LYPD6B: variants seen among roughly 807,000 people sequenced by gnomAD.
LYPD6B encodes the protein LY6/PLAUR domain containing 6B.
Under a neutral mutation model 22.8 loss-of-function variants are expected in LYPD6B, and 17 were observed. That is an observed-to-expected ratio of 0.75 (90% CI 0.51 to 1.12). The LOEUF is 1.12. Ranked by LOEUF, LYPD6B falls within the 50% of genes most tolerant of loss-of-function variation. The pLI is 0.00. For missense variants in LYPD6B, 221 were observed against 258.3 expected, an observed-to-expected ratio of 0.86 and a Z score of 0.99; for synonymous variants, 106 against 91.6, an observed-to-expected ratio of 1.16 and a Z score of -0.90.
chr2:149,097,739 G>C (rs10497052), intron 1 of LYPD6B, among the ~76,000 whole-genome samples: 2 of 152,094 alleles, frequency 1.3e-5, no homozygotes, highest in Non-Finnish European at 2.9e-5. Flanking sequence ...AGATTTATAC[G>C]AAGTTACAGA....
At chr2:149,084,472 C>T (rs570025891) in intron 1 of LYPD6B, among the ~76,000 whole-genome samples, 47 of 152,208 alleles carry the variant, frequency 3.1e-4, no homozygotes, top group African/African-American at 1.1e-3. Flanking sequence ...CAAACAGTGC[C>T]TTGTTTTCTG....
At chr2:149,069,536 T>C (rs932072432) in intron 1 of LYPD6B, among the ~76,000 whole-genome samples, 2 of 152,180 alleles carry the variant, frequency 1.3e-5, no homozygotes, top group African/African-American at 4.8e-5. Context: ...TTTTGGCTGA[T>C]AGCATCTTAT....
chr2:149,131,834 T>C (rs1353757519), intron 2 of LYPD6B, among the ~76,000 whole-genome samples: 1 of 152,096 alleles, frequency 6.6e-6, no homozygotes, highest in Non-Finnish European at 1.5e-5. Flanking sequence ...CTTTGGGAGC[T>C]AAAACAGAAT....
chr2:149,133,889 G>A (rs889382121), intron 2 of LYPD6B, among the ~76,000 whole-genome samples: 2 of 152,190 alleles, frequency 1.3e-5, no homozygotes, highest in Non-Finnish European at 2.9e-5. Context: ...TTACAGCAGT[G>A]AACAAGCCAT....
chr2:149,101,222 T>A (rs1315566362), intron 1 of LYPD6B: 1 of 152,200 alleles, frequency 6.6e-6, no homozygotes, highest in Non-Finnish European at 1.5e-5. Flanking sequence ...CCAGAGCCAG[T>A]CTCCAATGTA....
chr2:149,184,860 T>C (rs1450259421), intron 3 of LYPD6B, among the ~76,000 whole-genome samples: 1 of 152,236 alleles, frequency 6.6e-6, no homozygotes, highest in African/African-American at 2.4e-5. Flanking sequence ...CTTCTCAGTG[T>C]TCTCATTTAA....
At chr2:149,189,065 A>G (rs928830086) in intron 3 of LYPD6B, among the ~76,000 whole-genome samples, 3 of 151,852 alleles carry the variant, frequency 2.0e-5, no homozygotes, top group Non-Finnish European at 4.4e-5. Flanking sequence ...ATATATGTAC[A>G]AGGGACCATT....
chr2:149,058,860 T>G lies in LYPD6B; in HGVS notation c.-67+20059T>G, dbSNP rs1003882264. 2.0e-5 allele frequency among the ~76,000 whole-genome samples: 3 copies of G among 152,366 alleles called. No individual in the cohort carries two copies. In the South Asian group the frequency reaches 6.2e-4, roughly 32 times the overall value. On this transcript the variant is annotated intron_variant, in intron 1 of 6. Coordinates refer to ENST00000409642, the MANE Select transcript of LYPD6B (RefSeq NM_177964.5). ...GTCTTGAACTCCTAACCTCAGGTGA[T>G]CCACTTGCCCTAGCCTCCCAAAGTG...
chr2:149,047,141 A>G (rs533674172), intron 1 of LYPD6B, among the ~76,000 whole-genome samples: 1 of 152,306 alleles, frequency 6.6e-6, no homozygotes, highest in South Asian at 2.1e-4. Context: ...TTTCATTTAT[A>G]TCATTTCCAT....
At chr2:149,063,528 A>G (rs1049589296) in intron 1 of LYPD6B, among the ~76,000 whole-genome samples, 1 of 152,226 alleles carries the variant, frequency 6.6e-6, no homozygotes, top group Admixed American at 6.5e-5. Context: ...GATTTCTTAA[A>G]AAGCTGCCAT....
chr2:149,195,639 G>A (rs1559070690), intron 3 of LYPD6B, among the ~76,000 whole-genome samples: 1 of 152,138 alleles, frequency 6.6e-6, no homozygotes, highest in Non-Finnish European at 1.5e-5. Context: ...TAGAATTTGA[G>A]AGCTGAAAAT....
chr2:149,212,931 G>A (rs1334016614), intron 5 of LYPD6B, 61 bp from the exon 6 acceptor site: 5 of 1,539,564 alleles, frequency 3.2e-6, no homozygotes, highest in African/African-American at 1.4e-5. Flanking sequence ...GATCTCTTTT[G>A]TAATATGGAT....
chr2:149,179,373 A>T (rs541564996), intron 3 of LYPD6B, among the ~76,000 whole-genome samples: 5 of 152,340 alleles, frequency 3.3e-5, no homozygotes, highest in African/African-American at 1.2e-4. Context: ...GATGACGATG[A>T]TAAAATCTGT....
Position 149,073,911 on chromosome 2 carries a change from C to T in LYPD6B, c.-67+35110C>T, listed in dbSNP as rs925021378. Among the ~76,000 whole-genome samples the T allele has an allele frequency of 3.9e-5, 6 of 151,902 alleles. No individual in the cohort carries two copies. The East Asian group carries it at 5.8e-4, about 15-fold the overall frequency. On this transcript the variant is annotated intron_variant, in intron 1 of 6. Transcript: ENST00000409642. ...GGCGTGGAGACCCAGACCAGGGTGA[C>T]GGCTGTACGAAAGGAGAAGGAGGAC...
intron 3 of LYPD6B, among the ~76,000 whole-genome samples, chr2:149,199,489 T>A (rs1693024840): frequency 6.6e-6 from 1 of 152,204 alleles, no homozygotes; most frequent in Non-Finnish European, 1.5e-5. Flanking sequence ...AATGCATGAC[T>A]TATAATTGCA....
intron 2 of LYPD6B, among the ~76,000 whole-genome samples, chr2:149,144,487 G>A (rs531144639): frequency 2.0e-5 from 3 of 152,252 alleles, no homozygotes; most frequent in Non-Finnish European, 2.9e-5. Flanking sequence ...CACCTCCCAG[G>A]TTCAAGCGAG....
At chr2:149,082,191 G>A (rs187966279) in intron 1 of LYPD6B, among the ~76,000 whole-genome samples, 1 of 152,284 alleles carries the variant, frequency 6.6e-6, no homozygotes, top group Admixed American at 6.5e-5. Context: ...CTGTAACTCT[G>A]AGCAGGGAAA....
chr2:149,089,606 ATAT>A (rs1347599240), intron 1 of LYPD6B, among the ~76,000 whole-genome samples: 1 of 152,214 alleles, frequency 6.6e-6, no homozygotes, highest in Non-Finnish European at 1.5e-5. Flanking sequence ...TTGTTTGAAA[ATAT>A]TATGCTTCAA....
intron 3 of LYPD6B, among the ~76,000 whole-genome samples, chr2:149,168,906 T>C (rs1031914255): frequency 2.0e-5 from 3 of 152,190 alleles, no homozygotes; most frequent in African/African-American, 7.2e-5. Flanking sequence ...AAATCACACA[T>C]GGTATGAGCC....
Sources: gnomAD v4.1 joint callset for allele counts (sites outside exome capture counted in the v4.1 genomes callset) on GRCh38, gnomAD v4.1.1 for gene constraint, MANE v1.5 for transcripts, NCBI Gene and HGNC (gene_info 2026-07-23, HGNC 2026-07-21) for gene names.